The following ACTL8 variants were observed in gnomAD, a reference collection of about 807,000 sequenced individuals.
ACTL8 encodes actin-like protein 8.
A neutral mutation model predicts 9.3 loss-of-function variants in ACTL8; 3 were observed. The ratio of observed to expected loss-of-function variants is 0.32; its 90% CI spans 0.15 to 0.83. The LOEUF (loss-of-function observed/expected upper bound fraction) is 0.83, where lower values mean the gene tolerates loss of function less well. Ranked by LOEUF, ACTL8 falls within the 40% of genes least tolerant of loss-of-function variation. The pLI is 0.57. For synonymous variants in ACTL8, 224 were observed against 205.9 expected (o/e 1.09, Z -0.75); for missense variants, 381 against 492.2 (o/e 0.77, Z 2.14).
chr1:17,765,752 G>A (rs2066040147), intron 1 of ACTL8, among the ~76,000 whole-genome samples: 1 of 152,254 alleles, frequency 6.6e-6, no homozygotes, highest in Non-Finnish European at 1.5e-5. Flanking sequence ...TCAGGACAAT[G>A]TCTGGCCCCT....
chr1:17,756,458 G>A (rs1243721830), intron 1 of ACTL8, among the ~76,000 whole-genome samples: 1 of 152,144 alleles, frequency 6.6e-6, no homozygotes. Flanking sequence ...AGCTCTGTGG[G>A]TTGTGGTTGC....
At chr1:17,801,680 C>G (rs1158012143) in intron 1 of ACTL8, among the ~76,000 whole-genome samples, 1 of 151,874 alleles carries the variant, frequency 6.6e-6, no homozygotes, top group African/African-American at 2.4e-5. Flanking sequence ...ACTTTTACCA[C>G]CTAGAAGTGA....
intron 1 of ACTL8, among the ~76,000 whole-genome samples, chr1:17,808,270 G>A (rs1426658895): frequency 6.6e-6 from 1 of 152,174 alleles, no homozygotes; most frequent in East Asian, 1.9e-4. Context: ...ATTAACAGGA[G>A]GCAGATGGCA....
intron 1 of ACTL8, among the ~76,000 whole-genome samples, chr1:17,808,642 C>T (rs776824527): frequency 6.6e-6 from 1 of 152,168 alleles, no homozygotes; most frequent in Non-Finnish European, 1.5e-5. Flanking sequence ...AAGTATCATA[C>T]CCAGTGCCTG....
rs931145085 is a variant in ACTL8 at position 17,767,889 on chromosome 1, A to G, written c.-25+12385A>G. 2.6e-5 allele frequency among the ~76,000 whole-genome samples: 4 copies of G among 152,098 alleles called. No homozygotes were observed. Among genetic ancestry groups the G allele is most frequent in the African/African-American group, 9.7e-5 (4 of 41,414 alleles). ...CAGTGTGGCTTTTCTCGAAAGCATG[A>G]GGCCCCAGCCTCCCTGGGTGTGCAG... On this transcript the variant is annotated intron_variant, in intron 1 of 2. Coordinates refer to ENST00000375406, the MANE Select transcript of ACTL8 (RefSeq NM_030812.3). This position sits in a 1 kb window ranked among gnomAD's most constrained non-coding sequence, Gnocchi z 4.7.
Position 17,767,378 on chromosome 1 carries a change from G to A in ACTL8, c.-25+11874G>A, listed in dbSNP as rs951944501. ...GTGTGGGGGCCGTCCCTGTGGTACA[G>A]GGGTGAGACGATGCTGGCAACTTAG... On this transcript the variant is annotated intron_variant, in intron 1 of 2. Transcript: ENST00000375406. The surrounding 1 kb of genome is among the most constrained non-coding windows in gnomAD (Gnocchi z 4.7). 2.0e-5 allele frequency among the ~76,000 whole-genome samples: 3 copies of A among 152,184 alleles called. No homozygotes were observed. The highest frequency in any genetic ancestry group is 1.3e-4 in the Admixed American group (2 of 15,284).
intron 1 of ACTL8, among the ~76,000 whole-genome samples, chr1:17,756,524 AATTTCTTGTT>A (rs2065970466): frequency 6.6e-6 from 1 of 152,258 alleles, no homozygotes; most frequent in Non-Finnish European, 1.5e-5. Flanking sequence ...CTTATCAGTC[AATTTCTTGTT>A]AATTCAGTTC....
chr1:17,809,981 T>G (rs2066383560), intron 1 of ACTL8, among the ~76,000 whole-genome samples: 1 of 152,226 alleles, frequency 6.6e-6, no homozygotes, highest in African/African-American at 2.4e-5. Flanking sequence ...TAGATTTAAC[T>G]GCAGTTTGTT....
intron 1 of ACTL8, among the ~76,000 whole-genome samples, chr1:17,784,708 G>A (rs757273965): frequency 2.0e-5 from 3 of 152,126 alleles, no homozygotes; most frequent in Non-Finnish European, 2.9e-5. Context: ...TAAGCACCAC[G>A]CTTCTTCCCG....
At chr1:17,795,347 G>A (rs2066269258) in intron 1 of ACTL8, among the ~76,000 whole-genome samples, 1 of 152,214 alleles carries the variant, frequency 6.6e-6, no homozygotes, top group Admixed American at 6.5e-5. Flanking sequence ...CCTGGGAAAG[G>A]AGTCCTCATT....
chr1:17,821,542 C>T (rs2053659730), intron 1 of ACTL8, among the ~76,000 whole-genome samples: 1 of 152,120 alleles, frequency 6.6e-6, no homozygotes. Flanking sequence ...AATTATTTTT[C>T]GACCTTGTCA....
At chr1:17,801,930 T>C (rs181325503) in intron 1 of ACTL8, among the ~76,000 whole-genome samples, 16 of 152,352 alleles carry the variant, frequency 1.1e-4, no homozygotes, top group African/African-American at 3.4e-4. Context: ...GATGGGTATA[T>C]GAAGGGTCAT....
At chr1:17,766,461 A>G (rs2066045470) in intron 1 of ACTL8, among the ~76,000 whole-genome samples, 1 of 152,174 alleles carries the variant, frequency 6.6e-6, no homozygotes. Context: ...CTGTGCAAAT[A>G]TCCCATTCAA....
chr1:17,784,125 G>C (rs1442754600), intron 1 of ACTL8, among the ~76,000 whole-genome samples: 1 of 152,240 alleles, frequency 6.6e-6, no homozygotes, highest in Non-Finnish European at 1.5e-5. Flanking sequence ...TCTGGAGGCT[G>C]TACGGGAACC....
chr1:17,806,804 C>G (rs2066362911), intron 1 of ACTL8, among the ~76,000 whole-genome samples: 1 of 152,232 alleles, frequency 6.6e-6, no homozygotes, highest in Non-Finnish European at 1.5e-5. Context: ...GCTGCTTTTG[C>G]ATCTGCATGA....
chr1:17,818,510 T>G (rs2066444130), intron 1 of ACTL8, among the ~76,000 whole-genome samples: 1 of 152,186 alleles, frequency 6.6e-6, no homozygotes, highest in Non-Finnish European at 1.5e-5. Flanking sequence ...ATCTCCAGTA[T>G]CCTCCCTCCA....
At chr1:17,783,739 G>A (rs1388897485) in intron 1 of ACTL8, among the ~76,000 whole-genome samples, 1 of 152,220 alleles carries the variant, frequency 6.6e-6, no homozygotes, top group Non-Finnish European at 1.5e-5. Context: ...TCATTCTAAG[G>A]AAGGGCTCCG....
intron 1 of ACTL8, among the ~76,000 whole-genome samples, chr1:17,812,564 C>G (rs147885663): frequency 0.022 from 3,322 of 150,296 alleles, 125 homozygotes; most frequent in African/African-American, 0.075. Flanking sequence ...CAAGAAGCTG[C>G]GACTACAGGC....
intron 1 of ACTL8, among the ~76,000 whole-genome samples, chr1:17,766,249 C>T (rs1364578712): frequency 6.6e-6 from 1 of 152,212 alleles, no homozygotes; most frequent in Non-Finnish European, 1.5e-5. Flanking sequence ...ACTCCCCTGT[C>T]TTCCCAAAAT....
Sources: allele counts gnomAD v4.1 joint callset (sites outside exome capture counted in the v4.1 genomes callset), GRCh38; gene constraint gnomAD v4.1.1; non-coding constraint Gnocchi (gnomAD v3.1); transcripts MANE v1.5; gene names NCBI Gene and HGNC (gene_info 2026-07-23, HGNC 2026-07-21).